MSR1: variants seen among roughly 807,000 people sequenced by gnomAD.
MSR1 encodes macrophage scavenger receptor types I and II.
A neutral mutation model predicts 47.2 loss-of-function variants in MSR1; 53 were observed. The ratio of observed to expected loss-of-function variants is 1.12; its 90% CI spans 0.90 to 1.41. The LOEUF (loss-of-function observed/expected upper bound fraction) is 1.41. Ranked by LOEUF, MSR1 falls within the 40% of genes most tolerant of loss-of-function variation. The pLI is 0.00. For synonymous variants in MSR1, 239 were observed against 185.6 expected (o/e 1.29, Z -2.34); for missense variants, 786 against 546.9 (o/e 1.44, Z -4.36).
rs12547630 is a variant in MSR1 at position 16,123,827 on chromosome 8, T to A, written c.1034-3221A>T. Among the ~76,000 whole-genome samples, 1,624 of 152,238 alleles carry A rather than the reference T, an allele frequency of 0.011. 84 individuals carry two copies. The East Asian group carries it at 0.11, about 11-fold the overall frequency. ...ATAGAACCCAAGGATAAGATTATAGTTAGGTATCTGCAATAGCTGACCCAA... is the reference window on the plus strand; with the variant it reads ...ATAGAACCCAAGGATAAGATTATAGATAGGTATCTGCAATAGCTGACCCAA... On this transcript the variant is annotated intron_variant, in intron 8 of 9. Transcript: ENST00000262101.
At chr8:16,134,967 A>C (rs1383754757) in intron 8 of MSR1, among the ~76,000 whole-genome samples, 1 of 152,190 alleles carries the variant, frequency 6.6e-6, no homozygotes, top group East Asian at 1.9e-4. Flanking sequence ...AGGTGAGGAA[A>C]CTGCAGGAGA....
intron 6 of MSR1, among the ~76,000 whole-genome samples, chr8:16,153,734 A>G (rs1199702899): frequency 3.3e-5 from 5 of 151,946 alleles, no homozygotes; most frequent in African/African-American, 4.8e-5. Flanking sequence ...CTGAATTTTT[A>G]TGGTTGAGTT....
At chr8:16,117,352 G>C (rs942982085) in intron 9 of MSR1, among the ~76,000 whole-genome samples, 3 of 152,108 alleles carry the variant, frequency 2.0e-5, no homozygotes, top group Non-Finnish European at 2.9e-5. Context: ...GCTAGAGCTG[G>C]GGAGCGGCTG....
intron 7 of MSR1, among the ~76,000 whole-genome samples, chr8:16,144,152 C>A (rs1431460748): frequency 2.0e-5 from 3 of 152,066 alleles, no homozygotes; most frequent in African/African-American, 7.2e-5. Context: ...TGAGAAACCT[C>A]ACCCATTTAT....
chr8:16,188,074 C>G (rs1188906863), intron 1 of MSR1, among the ~76,000 whole-genome samples: 3 of 152,070 alleles, frequency 2.0e-5, no homozygotes, highest in Non-Finnish European at 4.4e-5. Flanking sequence ...TATTAAATGT[C>G]AGTGTGCTGA....
chr8:16,119,448 A>T (rs1049839635), intron 9 of MSR1, among the ~76,000 whole-genome samples: 4 of 151,858 alleles, frequency 2.6e-5, no homozygotes, highest in Non-Finnish European at 5.9e-5. Flanking sequence ...CTGATCTCGA[A>T]CTCCTGACCT....
chr8:16,177,217 T>A (rs1801674927), intron 2 of MSR1, among the ~76,000 whole-genome samples: 1 of 152,116 alleles, frequency 6.6e-6, no homozygotes, highest in Non-Finnish European at 1.5e-5. Context: ...GTAAGTTTAT[T>A]TGGAAATAGG....
In MSR1 at chr8:16,145,291, T is replaced by A. The variant is rs539692574; in HGVS notation, c.980-1680A>T. ...CAAAGCACCCAAAACCTTTCCTATA[T>A]TTTGAGAGCATGCTTTAATAAAATA... is the stretch of plus-strand genomic sequence containing the variant. On this transcript the variant is annotated intron_variant, in intron 7 of 9. Coordinates refer to ENST00000262101, the MANE Select transcript of MSR1 (RefSeq NM_138715.3). Among the ~76,000 whole-genome samples the A allele has an allele frequency of 2.0e-5, 3 of 152,202 alleles. No homozygotes were observed. The East Asian group carries it at 5.8e-4, about 29-fold the overall frequency.
At chr8:16,150,606 T>A (rs1010906244) in intron 6 of MSR1, among the ~76,000 whole-genome samples, 10 of 152,016 alleles carry the variant, frequency 6.6e-5, no homozygotes, top group Non-Finnish European at 1.5e-4. Context: ...ACTTATGTAG[T>A]CAACCAGTAA....
intron 7 of MSR1, 75 bp from the exon 8 acceptor site, chr8:16,143,686 TC>T: frequency 9.5e-7 from 1 of 1,050,022 alleles, no homozygotes; most frequent in Non-Finnish European, 1.5e-6. Flanking sequence ...AGACAGATCA[TC>T]ACAAGGTAAT....
rs897330527 is a variant in MSR1 at position 16,108,148 on chromosome 8, A to G, written c.*1937T>C. 1 of 150,582 alleles carries G rather than the reference A, an allele frequency of 6.6e-6. No homozygotes were observed. 9.3% of individuals were successfully genotyped at this position (150,582 alleles called of 1,614,324 possible). Reference sequence around the variant, plus strand: ...CATCCCAAGTGCCTATGGGTTGTTAATAGTACTATTAACAGTGTCATAGTA... The same window carrying G: ...CATCCCAAGTGCCTATGGGTTGTTAGTAGTACTATTAACAGTGTCATAGTA... On this transcript the variant is annotated 3_prime_UTR_variant, in exon 10 of 10. Coordinates refer to ENST00000262101, the MANE Select transcript of MSR1 (RefSeq NM_138715.3).
intron 8 of MSR1, among the ~76,000 whole-genome samples, chr8:16,136,749 T>C (rs1353093480): frequency 6.6e-6 from 1 of 152,064 alleles, no homozygotes; most frequent in East Asian, 1.9e-4. Flanking sequence ...ACTACAGGCA[T>C]GCACAACCAC....
intron 9 of MSR1, among the ~76,000 whole-genome samples, chr8:16,119,904 T>C (rs1799957611): frequency 7.2e-6 from 1 of 138,076 alleles, no homozygotes; most frequent in Non-Finnish European, 1.5e-5. Flanking sequence ...TTGGTAGAGA[T>C]AGGATCTTAC....
chr8:16,112,325 T>C (rs989066825), intron 9 of MSR1, among the ~76,000 whole-genome samples: 8 of 152,166 alleles, frequency 5.3e-5, no homozygotes, highest in Admixed American at 3.3e-4. Flanking sequence ...ATTATCTCCA[T>C]TTCATAGATA....
intron 1 of MSR1, among the ~76,000 whole-genome samples, chr8:16,191,335 A>G (rs535999823): frequency 6.8e-4 from 103 of 152,274 alleles, no homozygotes; most frequent in African/African-American, 2.5e-3. Flanking sequence ...TGACTGTGAC[A>G]TCATTTAGCT....
intron 1 of MSR1, among the ~76,000 whole-genome samples, chr8:16,190,990 G>C (rs1802185386): frequency 6.6e-6 from 1 of 152,050 alleles, no homozygotes; most frequent in Non-Finnish European, 1.5e-5. Flanking sequence ...CAAAGTGCTG[G>C]GATTACAGGC....
At chr8:16,113,865 T>C (rs1381992772) in intron 9 of MSR1, among the ~76,000 whole-genome samples, 3 of 152,050 alleles carry the variant, frequency 2.0e-5, no homozygotes, top group African/African-American at 7.2e-5. Flanking sequence ...GGTTAAGGCA[T>C]GAATCTTGAC....
At chr8:16,140,518 T>C (rs1800526779) in intron 8 of MSR1, 8 of 995,008 alleles carry the variant, frequency 8.0e-6, no homozygotes, top group Middle Eastern at 5.1e-4. Context: ...CCAAACCACA[T>C]ATTGGTAATT....
intron 4 of MSR1, among the ~76,000 whole-genome samples, chr8:16,168,075 A>T (rs909794292): frequency 3.9e-5 from 6 of 152,198 alleles, no homozygotes; most frequent in Non-Finnish European, 5.9e-5. Flanking sequence ...ACAAATAAAA[A>T]AAAAAATCTA....
Sources: allele counts gnomAD v4.1 joint callset (sites outside exome capture counted in the v4.1 genomes callset), GRCh38; gene constraint gnomAD v4.1.1; transcripts MANE v1.5; gene names NCBI Gene and HGNC (gene_info 2026-07-23, HGNC 2026-07-21).